The following SKI variants were observed in gnomAD, a reference collection of about 807,000 sequenced individuals.
SKI encodes SKI proto-oncogene.
In SKI, 23 loss-of-function variants were observed where a neutral mutation model predicts 59.3. That is an observed-to-expected ratio of 0.39 (90% CI 0.28 to 0.55). SKI has a LOEUF of 0.55. SKI is among the 20% of genes least tolerant of loss of function. The probability of loss-of-function intolerance (pLI) is 0.67; values close to 1 mark genes in which losing one functional copy is unlikely to be tolerated. For synonymous variants in SKI, 673 were observed against 488.6 expected (o/e 1.38, Z -4.98); for missense variants, 1,017 against 1,038.9 (o/e 0.98, Z 0.29).
intron 5 of SKI, among the ~76,000 whole-genome samples, chr1:2,305,442 G>A (rs956628232): frequency 2.6e-5 from 4 of 152,022 alleles, no homozygotes; most frequent in South Asian, 2.1e-4. Flanking sequence ...CCTCCTGCGC[G>A]TGCCAGTCCC....
chr1:2,243,806 G>A (rs755791018), intron 1 of SKI, among the ~76,000 whole-genome samples: 14 of 152,122 alleles, frequency 9.2e-5, no homozygotes, highest in Non-Finnish European at 1.3e-4. Flanking sequence ...ACTGATACAC[G>A]CACACGCAAT....
At chr1:2,248,367 T>C (rs1639043696) in intron 1 of SKI, among the ~76,000 whole-genome samples, 1 of 152,222 alleles carries the variant, frequency 6.6e-6, no homozygotes, top group African/African-American at 2.4e-5. Context: ...GTTCTGAGCT[T>C]GGTGACCCGC....
chr1:2,236,665 A>T (rs1170078888), intron 1 of SKI, among the ~76,000 whole-genome samples: 1 of 152,156 alleles, frequency 6.6e-6, no homozygotes, highest in Admixed American at 6.5e-5. Context: ...TCGGCCTCCC[A>T]AAGTGTTGGG....
At chr1:2,263,884 A>T (rs1200490774) in intron 1 of SKI, among the ~76,000 whole-genome samples, 2 of 149,108 alleles carry the variant, frequency 1.3e-5, no homozygotes, top group Non-Finnish European at 3.0e-5. Context: ...AAAAAAAAAA[A>T]GTTTCGTGGG....
Position 2,229,839 on chromosome 1 carries a change from C to T in SKI, c.969+104C>T, listed in dbSNP as rs1323998629. On this transcript the variant is annotated intron_variant, in intron 1 of 6. Coordinates refer to ENST00000378536, the MANE Select transcript of SKI (RefSeq NM_003036.4). This position sits in a 1 kb window ranked among gnomAD's most constrained non-coding sequence, Gnocchi z 6.3. ...CGAAGGCTGGGACCTGTGCTTCTGC[C>T]GTGCCCCATGTCTCCAGTCTTCGCT... is the stretch of plus-strand genomic sequence containing the variant. The T allele has an allele frequency of 2.6e-6, 4 of 1,530,490 alleles. No homozygotes were observed. In the East Asian group the frequency reaches 7.4e-5, roughly 28 times the overall value. The allele number at this position is 1,530,490 out of a possible 1,614,324, so 94.8% of individuals were successfully genotyped here.
chr1:2,271,812 G>A lies in SKI; in HGVS notation c.970-31166G>A, dbSNP rs113886346. 2.7e-3 allele frequency among the ~76,000 whole-genome samples: 415 copies of A among 152,288 alleles called. 2 individuals are homozygous for A. The highest frequency in any genetic ancestry group is 4.9e-3 in the Non-Finnish European group (330 of 68,004). Reference sequence around the variant, plus strand: ...CCTCACGTCCAGGTCTGTTGCCGAGGGGCCAGGAGATTCTGACATTGTGCG... The same window carrying A: ...CCTCACGTCCAGGTCTGTTGCCGAGAGGCCAGGAGATTCTGACATTGTGCG... On this transcript the variant is annotated intron_variant, in intron 1 of 6. Transcript: ENST00000378536.
At chr1:2,293,374 G>A (rs970629822) in intron 1 of SKI, among the ~76,000 whole-genome samples, 5 of 152,054 alleles carry the variant, frequency 3.3e-5, no homozygotes, top group Admixed American at 1.3e-4. Context: ...AGGTCCAGCC[G>A]AGGGTTGGGG....
At chr1:2,304,193 G>A (rs1640506109) in intron 4 of SKI, 91 bp downstream of exon 4, 3 of 1,575,610 alleles carry the variant, frequency 1.9e-6, no homozygotes, top group Middle Eastern at 1.7e-4. Context: ...TGCGTTGGTG[G>A]CCCCATGTTT....
chr1:2,240,094 G>A (rs1638835408), intron 1 of SKI, among the ~76,000 whole-genome samples: 1 of 152,248 alleles, frequency 6.6e-6, no homozygotes, highest in Non-Finnish European at 1.5e-5. Context: ...GTGTCTGTGG[G>A]GTCTCTTGTC....
At chr1:2,284,619 C>T (rs190545013) in intron 1 of SKI, among the ~76,000 whole-genome samples, 3 of 152,322 alleles carry the variant, frequency 2.0e-5, no homozygotes, top group Non-Finnish European at 2.9e-5. Flanking sequence ...GCCCAGAGGG[C>T]CCGCTGTCCG....
At chr1:2,296,333 C>G (rs995814151) in intron 1 of SKI, among the ~76,000 whole-genome samples, 1 of 152,128 alleles carries the variant, frequency 6.6e-6, no homozygotes, top group Non-Finnish European at 1.5e-5. Flanking sequence ...GTGGTTGAGG[C>G]TGCAGTGAGC....
intron 1 of SKI, among the ~76,000 whole-genome samples, chr1:2,239,998 T>G (rs1485905119): frequency 6.6e-6 from 1 of 152,146 alleles, no homozygotes; most frequent in Non-Finnish European, 1.5e-5. Context: ...TTTTTAATTT[T>G]CCCAGCTGAA....
chr1:2,278,012 A>G (rs749793201), intron 1 of SKI, among the ~76,000 whole-genome samples: 1 of 152,124 alleles, frequency 6.6e-6, no homozygotes, highest in Non-Finnish European at 1.5e-5. Flanking sequence ...CATCAGTACC[A>G]TGGGCACACA....
At chr1:2,285,493 T>A (rs1047399834) in intron 1 of SKI, among the ~76,000 whole-genome samples, 1 of 149,628 alleles carries the variant, frequency 6.7e-6, no homozygotes, top group Non-Finnish European at 1.5e-5. Flanking sequence ...CCAGCCTGGG[T>A]GACAAAAGCA....
chr1:2,294,510 G>T (rs540392563), intron 1 of SKI, among the ~76,000 whole-genome samples: 2 of 152,202 alleles, frequency 1.3e-5, no homozygotes, highest in Admixed American at 6.5e-5. Flanking sequence ...AGACCACGTC[G>T]TGCCGTTTCC....
intron 1 of SKI, among the ~76,000 whole-genome samples, chr1:2,288,287 A>G (rs2100888690): frequency 6.6e-6 from 1 of 151,604 alleles, no homozygotes; most frequent in South Asian, 2.1e-4. Flanking sequence ...ATTCCCAGCT[A>G]ATTTTTGTAT....
chr1:2,248,766 A>G (rs139367199), intron 1 of SKI, among the ~76,000 whole-genome samples: 1 of 152,322 alleles, frequency 6.6e-6, no homozygotes, highest in African/African-American at 2.4e-5. Context: ...TGGTCAGTGT[A>G]CTTTTTGATT....
At chr1:2,244,941 G>A (rs1052800362) in intron 1 of SKI, among the ~76,000 whole-genome samples, 2 of 152,160 alleles carry the variant, frequency 1.3e-5, no homozygotes, top group African/African-American at 4.8e-5. Context: ...AGTAGTTACA[G>A]AACAATAAAA....
At chr1:2,305,776 C>G (rs990973473) in intron 5 of SKI, among the ~76,000 whole-genome samples, 7 of 152,226 alleles carry the variant, frequency 4.6e-5, no homozygotes, top group Admixed American at 4.6e-4. Flanking sequence ...CCTCAAGTGA[C>G]TGACTCAGGC....
Sources: gnomAD v4.1 joint callset for allele counts (sites outside exome capture counted in the v4.1 genomes callset) on GRCh38, gnomAD v4.1.1 for gene constraint, Gnocchi (gnomAD v3.1) non-coding constraint, MANE v1.5 for transcripts, NCBI Gene and HGNC (gene_info 2026-07-23, HGNC 2026-07-21) for gene names.